ARHGEF4: variants seen among roughly 807,000 people sequenced by gnomAD.
The protein encoded by ARHGEF4 is Rho guanine nucleotide exchange factor 4, also known as APC-stimulated guanine nucleotide exchange factor 1.
In ARHGEF4, 119 loss-of-function variants were observed where a neutral mutation model predicts 162.0. The observed-to-expected ratio is 0.73, with a 90% CI of 0.63 to 0.86. The LOEUF (loss-of-function observed/expected upper bound fraction) is 0.86. Among genes scored for constraint, ARHGEF4 ranks in the 40% least tolerant of loss-of-function variants. The pLI, the probability that ARHGEF4 is intolerant of heterozygous loss-of-function variation, is 0.00. For synonymous variants in ARHGEF4, 1,014 were observed against 979.9 expected (o/e 1.03, Z -0.65); for missense variants, 2,488 against 2,456.0 (o/e 1.01, Z -0.28).
chr2:130,921,748 G>A (rs1375910798), intron 2 of ARHGEF4, among the ~76,000 whole-genome samples: 1 of 152,100 alleles, frequency 6.6e-6, no homozygotes, highest in East Asian at 1.9e-4. Context: ...CTGGAGTGCA[G>A]TGGTGCGATC....
chr2:131,007,214 C>G (rs936336645), intron 4 of ARHGEF4, among the ~76,000 whole-genome samples: 18 of 152,152 alleles, frequency 1.2e-4, no homozygotes, highest in African/African-American at 4.3e-4. Flanking sequence ...CTGACTGTCC[C>G]CAGCCTCTGT....
chr2:130,867,288 G>C (rs1259030942), intron 1 of ARHGEF4, among the ~76,000 whole-genome samples: 4 of 151,748 alleles, frequency 2.6e-5, no homozygotes, highest in Non-Finnish European at 5.9e-5. Context: ...CACCAGGCTG[G>C]AGTGCAGTGG....
At chr2:130,966,685 G>A (rs1032728270) in intron 4 of ARHGEF4, among the ~76,000 whole-genome samples, 3 of 152,176 alleles carry the variant, frequency 2.0e-5, no homozygotes, top group Admixed American at 6.5e-5. Flanking sequence ...CCGGTGGTGC[G>A]TTGGAATAGT....
At chr2:131,005,750 C>T (rs534159663) in intron 4 of ARHGEF4, among the ~76,000 whole-genome samples, 86 of 152,186 alleles carry the variant, frequency 5.7e-4, no homozygotes, top group African/African-American at 2.0e-3. Flanking sequence ...GGGGGAGATG[C>T]GCCGTGGACC....
chr2:131,038,150 G>A (rs920070601), intron 5 of ARHGEF4, among the ~76,000 whole-genome samples: 1 of 152,156 alleles, frequency 6.6e-6, no homozygotes, highest in African/African-American at 2.4e-5. Context: ...TGGATGAAGG[G>A]GCATTGTGGT....
chr2:130,930,828 A>T, intron 2 of ARHGEF4, 124 bp from the exon 3 acceptor site: 1 of 865,152 alleles, frequency 1.2e-6, no homozygotes, highest in Non-Finnish European at 1.7e-6. Flanking sequence ...TGGACTCTGT[A>T]CTTTGAAAAT....
chr2:130,931,301 C>A (rs1404877687), intron 3 of ARHGEF4, 44 bp downstream of exon 3: 1 of 1,519,850 alleles, frequency 6.6e-7, no homozygotes, highest in Non-Finnish European at 8.8e-7. Flanking sequence ...GGTCTGGTAT[C>A]CCCTTCTCTC....
chr2:130,912,918 C>T (rs1419752723), intron 1 of ARHGEF4, among the ~76,000 whole-genome samples: 1 of 152,152 alleles, frequency 6.6e-6, no homozygotes, highest in African/African-American at 2.4e-5. Flanking sequence ...AGAGAGACCA[C>T]TTCACATAAC....
At position 130,888,541 on chromosome 2, in the gene ARHGEF4, A is replaced by C. The variant is rs114522149; in HGVS notation, c.40-25445A>C. Among the ~76,000 whole-genome samples the C allele has an allele frequency of 6.0e-4, 92 of 152,108 alleles. 4 individuals carry two copies. The highest frequency in any genetic ancestry group is 2.2e-3 in the African/African-American group (90 of 41,426). Reference sequence around the variant, plus strand: ...ATTTCAGGCTATAAATTGTTCCCCTAAGTAATGTTTCATCTGCATCCCACT... The same window carrying C: ...ATTTCAGGCTATAAATTGTTCCCCTCAGTAATGTTTCATCTGCATCCCACT... On this transcript the variant is annotated intron_variant, in intron 1 of 13. Transcript: ENST00000409359.
In ARHGEF4 at chr2:130,951,168, T is replaced by C. The variant is rs149990578; in HGVS notation, c.3985+4533T>C. Among the ~76,000 whole-genome samples, 284 of 152,346 alleles carry C rather than the reference T, an allele frequency of 1.9e-3. 3 individuals are homozygous for C. Among genetic ancestry groups the C allele is most frequent in the African/African-American group, 6.5e-3 (271 of 41,576 alleles). On this transcript the variant is annotated intron_variant, in intron 4 of 13. Coordinates refer to ENST00000409359, the MANE Select transcript of ARHGEF4 (RefSeq NM_001367493.1). ...CTAGACCACTAAAACTTTCTTCCTA[T>C]TGCAATCAGGCTGTTTCACTTTCTT...
At chr2:131,023,161 G>A (rs1467120241) in intron 4 of ARHGEF4, among the ~76,000 whole-genome samples, 1 of 151,454 alleles carries the variant, frequency 6.6e-6, no homozygotes, top group Non-Finnish European at 1.5e-5. Flanking sequence ...AGGCATGATG[G>A]TTTACACTTG....
intron 4 of ARHGEF4, chr2:131,011,665 G>T: frequency 1.3e-6 from 2 of 1,535,304 alleles, no homozygotes; most frequent in South Asian, 2.4e-5. Context: ...GAGCCCATCG[G>T]AGCTGATGGG....
chr2:130,840,147 G>GCA (rs150947100), intron 1 of ARHGEF4, among the ~76,000 whole-genome samples: 12 of 151,584 alleles, frequency 7.9e-5, no homozygotes, highest in Admixed American at 1.3e-4. Flanking sequence ...ATACATATGG[G>GCA]CACACACACA....
rs62178937 is a variant in ARHGEF4, at chr2:130,996,091, T to C, written c.3986-31854T>C. On this transcript the variant is annotated intron_variant, in intron 4 of 13. Coordinates refer to ENST00000409359, the MANE Select transcript of ARHGEF4 (RefSeq NM_001367493.1). ...TTTTAGTAGAGACGGGGTTTCACCA[T>C]GTTGGTTAGGCTGGTCTCGAACCCC... Among the ~76,000 whole-genome samples, 701 of 152,192 alleles carry C rather than the reference T, an allele frequency of 4.6e-3. 3 individuals are homozygous for C. Among genetic ancestry groups the C allele is most frequent in the Non-Finnish European group, 7.9e-3 (540 of 67,994 alleles).
In ARHGEF4 at chr2:130,916,490, G is replaced by T; in HGVS notation, c.2544G>T (p.Leu848=). The T allele has an allele frequency of 6.5e-7, 1 of 1,547,200 alleles. No homozygotes were observed. Among genetic ancestry groups the T allele is most frequent in the Non-Finnish European group, 8.7e-7 (1 of 1,146,624 alleles). The part of the protein sequence containing the change: ...PAAAGRDAPP[L]HHGDASAWPE... ...CGGCCGGTCGGGACGCACCGCCTCT[G>T]CACCACGGGGACGCCAGCGCCTGGC... is the stretch of plus-strand genomic sequence containing the variant. Residue 848 remains leucine (L), a synonymous_variant, in exon 2 of 14, where the codon CTG becomes CTT. Transcript: ENST00000409359.
At chr2:130,866,386 A>G (rs1442563864) in intron 1 of ARHGEF4, among the ~76,000 whole-genome samples, 1 of 152,046 alleles carries the variant, frequency 6.6e-6, no homozygotes, top group African/African-American at 2.4e-5. Context: ...CTCCGTCTGG[A>G]AAAAAAAGAA....
At position 130,916,786 on chromosome 2, in the gene ARHGEF4, T is replaced by A. The variant is rs1189407540; in HGVS notation, c.2840T>A (p.Leu947Gln). Residue 947 changes from leucine (L) to glutamine (Q), a missense_variant, in exon 2 of 14, where the codon CTG becomes CAG. By Grantham distance (113) the Leu-to-Gln change is moderately radical. This residue lies in a region of ARHGEF4 where 1,642 missense variants were observed against 1,481.5 expected (regional missense o/e 1.11). Coordinates refer to ENST00000409359, the MANE Select transcript of ARHGEF4 (RefSeq NM_001367493.1). Reference protein sequence around the residue: ...SPKGEKEKSRLRQGSWRAFLK... With the variant: ...SPKGEKEKSRQRQGSWRAFLK... ...AAGGGCGAGAAGGAGAAGAGCAGGC[T>A]GCGCCAGGGTTCCTGGCGGGCGTTT... is the stretch of plus-strand genomic sequence containing the variant. 2 of 1,550,480 alleles carry A rather than the reference T, an allele frequency of 1.3e-6. No homozygotes were observed. Among genetic ancestry groups the A allele is most frequent in the Non-Finnish European group, 1.7e-6 (2 of 1,146,990 alleles).
chr2:130,848,756 G>A (rs1430036493), intron 1 of ARHGEF4, among the ~76,000 whole-genome samples: 2 of 152,178 alleles, frequency 1.3e-5, no homozygotes. Context: ...GGGAGACCAG[G>A]CCCCGAGGGG....
intron 4 of ARHGEF4, among the ~76,000 whole-genome samples, chr2:130,979,378 C>G (rs944768700): frequency 2.6e-5 from 4 of 152,180 alleles, no homozygotes; most frequent in African/African-American, 4.8e-5. Context: ...AACCATGTCT[C>G]TCTTGAACTT....
Sources: gnomAD v4.1 joint callset for allele counts (sites outside exome capture counted in the v4.1 genomes callset) on GRCh38, gnomAD v4.1.1 for gene constraint, gnomAD v4.1.1 regional missense constraint, MANE v1.5 for transcripts, NCBI Gene and HGNC (gene_info 2026-07-23, HGNC 2026-07-21) for gene names.